CHAT: variants seen among roughly 807,000 people sequenced by gnomAD.
The protein encoded by CHAT is acetyl CoA:choline O-acetyltransferase.
CHAT carries 61 observed loss-of-function variants against 76.9 expected under a neutral mutation model. That is an observed-to-expected ratio of 0.79 (90% CI 0.65 to 0.98). The LOEUF (loss-of-function observed/expected upper bound fraction) is 0.98, where lower values mean the gene tolerates loss of function less well. CHAT is among the 50% of genes least tolerant of loss of function. CHAT has a pLI of 0.00. For missense variants in CHAT, 946 were observed against 986.9 expected, an observed-to-expected ratio of 0.96 and a Z score of 0.56; for synonymous variants, 407 against 397.4, an observed-to-expected ratio of 1.02 and a Z score of -0.29.
Position 49,640,821 on chromosome 10 carries a change from A to G in CHAT, c.1112-5684A>G, listed in dbSNP as rs1839454608. Among the ~76,000 whole-genome samples, 4 of 152,140 alleles carry G rather than the reference A, an allele frequency of 2.6e-5. No homozygotes were observed. In the South Asian group the frequency reaches 8.3e-4, roughly 32 times the overall value. Reference sequence around the variant, plus strand: ...CTATTCTGATCCTTTGACTAGAGAGAGCAGGCTTTTGTTGATTATTTTGTT... The same window carrying G: ...CTATTCTGATCCTTTGACTAGAGAGGGCAGGCTTTTGTTGATTATTTTGTT... On this transcript the variant is annotated intron_variant, in intron 7 of 14. Transcript: ENST00000337653.
intron 13 of CHAT, among the ~76,000 whole-genome samples, chr10:49,656,920 T>G (rs1264891088): frequency 6.6e-6 from 1 of 152,058 alleles, no homozygotes; most frequent in Non-Finnish European, 1.5e-5. Flanking sequence ...TCGCGCATGG[T>G]GGACTGCACA....
intron 5 of CHAT, among the ~76,000 whole-genome samples, chr10:49,623,283 C>A (rs1838795536): frequency 6.6e-6 from 1 of 152,026 alleles, no homozygotes; most frequent in East Asian, 1.9e-4. Context: ...CCCCACGAGA[C>A]CACTTTCCTT....
rs535814440 is a variant in CHAT, at chr10:49,622,408, C to T, written c.752+258C>T. Reference sequence around the variant, plus strand: ...AAAATGTCTCCTCCCTCCACACATACGTGCACAGGTGGAGTGAATTCACTT... The same window carrying T: ...AAAATGTCTCCTCCCTCCACACATATGTGCACAGGTGGAGTGAATTCACTT... On this transcript the variant is annotated intron_variant, in intron 5 of 14. Coordinates refer to ENST00000337653, the MANE Select transcript of CHAT (RefSeq NM_020549.5). Among the ~76,000 whole-genome samples the T allele has an allele frequency of 3.3e-5, 5 of 152,296 alleles. No homozygotes were observed. The South Asian group carries it at 6.2e-4, about 19-fold the overall frequency.
At chr10:49,621,987 A>T in intron 4 of CHAT, 110 bp from the exon 5 acceptor site, 2 of 1,227,568 alleles carry the variant, frequency 1.6e-6, no homozygotes, top group African/African-American at 1.5e-5. Context: ...GGGAGGGAAG[A>T]GGAAGGAGAT....
At chr10:49,643,932 G>A (rs1839572745) in intron 7 of CHAT, among the ~76,000 whole-genome samples, 1 of 152,242 alleles carries the variant, frequency 6.6e-6, no homozygotes, top group Non-Finnish European at 1.5e-5. Context: ...TGCAAGTGCT[G>A]ACTGTCCAAA....
At chr10:49,648,757 ACG>A (rs1491538166) in intron 9 of CHAT, 150 bp downstream of exon 9, 9 of 570,048 alleles carry the variant, frequency 1.6e-5, no homozygotes, top group East Asian at 1.2e-4. Context: ...ACACACACAC[ACG>A]ATGAATTTGA....
At chr10:49,632,029 T>C (rs754067372) in intron 7 of CHAT, among the ~76,000 whole-genome samples, 1 of 151,930 alleles carries the variant, frequency 6.6e-6, no homozygotes, top group Non-Finnish European at 1.5e-5. Context: ...GGGAGTTGTT[T>C]AGAAGCAGGA....
At position 49,614,224 on chromosome 10, in the gene CHAT, G is replaced by A. The variant is rs770749789; in HGVS notation, c.35G>A (p.Gly12Glu). The stretch of plus-strand genomic sequence containing the variant: ...AGGACAGCGAAGAAGAGGGGGCTTG[G>A]GGGAGGGGGGAAATGGAAGAGAGAG... ...GLRTAKKRGL[G>E]GGGKWKREEG... The change falls in exon 1 of 15, where the codon GGG becomes GAG. Residue 12 changes from glycine (G) to glutamate (E), a missense_variant. Physicochemically the swap from Gly to Glu is moderately conservative, Grantham distance 98. Transcript: ENST00000337653. 3.9e-6 allele frequency: 6 copies of A among 1,531,648 alleles called. No homozygotes were observed. The highest frequency in any genetic ancestry group is 3.5e-6 in the Non-Finnish European group (4 of 1,133,212). 94.9% of individuals were successfully genotyped at this position (1,531,648 alleles called of 1,614,324 possible).
rs2132727991 is a variant in CHAT, at chr10:49,625,500, A to T, written c.780A>T (p.Lys260Asn). Reference sequence around the variant, plus strand: ...ACTCCATTCCCACTGACTGTGCCAAAGGCCAGCTGTCAGGGCAGCCCCTTT... The same window carrying T: ...ACTCCATTCCCACTGACTGTGCCAATGGCCAGCTGTCAGGGCAGCCCCTTT... ...DSHSIPTDCA[K>N]GQLSGQPLCM... Residue 260 changes from lysine (K) to asparagine (N), a missense_variant, in exon 6 of 15, where the codon AAA becomes AAT. This residue lies in a region of CHAT where 548 missense variants were observed against 516.2 expected (regional missense o/e 1.06). Coordinates refer to ENST00000337653, the MANE Select transcript of CHAT (RefSeq NM_020549.5). 6.8e-6 allele frequency: 11 copies of T among 1,612,804 alleles called. No individual in the cohort carries two copies. The highest frequency in any genetic ancestry group is 9.3e-6 in the Non-Finnish European group (11 of 1,180,002).
chr10:49,667,777 T>C lies in CHAT; in HGVS notation c.*2731T>C, dbSNP rs1227740596. Among the ~76,000 whole-genome samples, 3 of 152,262 alleles carry C rather than the reference T, an allele frequency of 2.0e-5. No individual in the cohort carries two copies. Among genetic ancestry groups the C allele is most frequent in the Non-Finnish European group, 4.4e-5 (3 of 68,048 alleles). On this transcript the variant is annotated 3_prime_UTR_variant, in exon 15 of 15. Transcript: ENST00000337653. ...GAGTTCTATTTTTATAAAATAGTTC[T>C]AGATTTATGGCAATATAAACGTGTA... is the stretch of plus-strand genomic sequence containing the variant.
In CHAT at chr10:49,665,041, C is replaced by A; in HGVS notation, c.2242C>A (p.Pro748Thr). The A allele has an allele frequency of 1.2e-6, 2 of 1,613,852 alleles. No homozygotes were observed. Among genetic ancestry groups the A allele is most frequent in the Middle Eastern group, 1.7e-4 (1 of 5,802 alleles). ...KATRPSQGHQ[P>T] is the part of the protein sequence containing the mutation. ...CACGAGGCCCAGCCAGGGACACCAA[C>A]CTTGACTCCTGCCACTAGGTTTCAC... The change falls in exon 15 of 15, where the codon CCT (proline) becomes ACT (threonine). Residue 748 changes from proline (P) to threonine (T), a missense_variant. Pro to Thr is a conservative substitution (Grantham distance 38). Transcript: ENST00000337653.
intron 13 of CHAT, among the ~76,000 whole-genome samples, chr10:49,657,952 A>G (rs1429694216): frequency 2.0e-5 from 3 of 152,272 alleles, no homozygotes; most frequent in South Asian, 2.1e-4. Context: ...ATTATCATAC[A>G]TAAATCTTCT....
At chr10:49,621,738 C>T (rs955168601) in intron 4 of CHAT, among the ~76,000 whole-genome samples, 14 of 152,142 alleles carry the variant, frequency 9.2e-5, no homozygotes, top group Non-Finnish European at 1.6e-4. Flanking sequence ...TGCTCCCTCT[C>T]CTCTTCAAGA....
At chr10:49,628,198 C>T (rs1838993855) in intron 7 of CHAT, among the ~76,000 whole-genome samples, 1 of 152,088 alleles carries the variant, frequency 6.6e-6, no homozygotes, top group Non-Finnish European at 1.5e-5. Flanking sequence ...CCTCTTTCAC[C>T]TGATCTCTCC....
intron 10 of CHAT, among the ~76,000 whole-genome samples, chr10:49,650,443 G>A (rs975251686): frequency 1.3e-5 from 2 of 152,170 alleles, no homozygotes; most frequent in African/African-American, 4.8e-5. Flanking sequence ...TGTGAGGGAG[G>A]GCCTTGTAGA....
chr10:49,617,725 A>C (rs1328087303), intron 2 of CHAT, among the ~76,000 whole-genome samples: 1 of 151,984 alleles, frequency 6.6e-6, no homozygotes, highest in Admixed American at 6.5e-5. Context: ...TCACCCACCC[A>C]TCACACAGAC....
rs577672064 is a variant in CHAT at position 49,650,703 on chromosome 10, C to T, written c.1511+1067C>T. Among the ~76,000 whole-genome samples, 4 of 152,234 alleles carry T rather than the reference C, an allele frequency of 2.6e-5. No homozygotes were observed. The South Asian group carries it at 6.2e-4, about 24-fold the overall frequency. On this transcript the variant is annotated intron_variant, in intron 10 of 14. Coordinates refer to ENST00000337653, the MANE Select transcript of CHAT (RefSeq NM_020549.5). ...TTCTGTGCAGGGGGTATGGGGACGC[C>T]CCTGAGGAGGCTGTGGGAAGGGCAC...
chr10:49,639,106 G>T (rs1046663904), intron 7 of CHAT, among the ~76,000 whole-genome samples: 3 of 151,978 alleles, frequency 2.0e-5, no homozygotes, highest in African/African-American at 7.3e-5. Flanking sequence ...GTGGTGGCAG[G>T]CGCCTGTAAT....
upstream of CHAT, chr10:49,610,488 G>T (rs1038067880): frequency 9.9e-6 from 4 of 403,778 alleles, no homozygotes; most frequent in Admixed American, 1.8e-4. Flanking sequence ...CGGCGCGCCC[G>T]ACTTCCCGGC....
Sources: gnomAD v4.1 joint callset for allele counts (sites outside exome capture counted in the v4.1 genomes callset) on GRCh38, gnomAD v4.1.1 for gene constraint, gnomAD v4.1.1 regional missense constraint, MANE v1.5 for transcripts, NCBI Gene and HGNC (gene_info 2026-07-23, HGNC 2026-07-21) for gene names.